PNPT1: variants seen among roughly 807,000 people sequenced by gnomAD.
PNPT1 encodes polyribonucleotide nucleotidyltransferase 1, mitochondrial.
PNPT1 carries 53 observed loss-of-function variants against 119.5 expected under a neutral mutation model. The ratio of observed to expected loss-of-function variants is 0.44; its 90% CI spans 0.36 to 0.56. The LOEUF is 0.56. Ranked by LOEUF, PNPT1 falls within the 20% of genes least tolerant of loss-of-function variation. PNPT1 has a pLI of 0.00. For missense variants in PNPT1, 948 were observed against 938.5 expected, an observed-to-expected ratio of 1.01 and a Z score of -0.13; for synonymous variants, 357 against 322.1, an observed-to-expected ratio of 1.11 and a Z score of -1.16.
intron 23 of PNPT1, among the ~76,000 whole-genome samples, chr2:55,644,412 G>A (rs1471068048): frequency 6.6e-6 from 1 of 152,130 alleles, no homozygotes; most frequent in African/African-American, 2.4e-5. Context: ...AAGTCCTGAT[G>A]AATTCTTTGT....
chr2:55,656,454 C>G, intron 15 of PNPT1, 83 bp from the exon 16 acceptor site: 3 of 1,224,204 alleles, frequency 2.5e-6, no homozygotes, highest in Non-Finnish European at 3.4e-6. Flanking sequence ...AATAAAACAA[C>G]TTATAGAACA....
At chr2:55,669,586 G>A (rs765762908) in intron 11 of PNPT1, among the ~76,000 whole-genome samples, 2 of 152,138 alleles carry the variant, frequency 1.3e-5, no homozygotes, top group South Asian at 2.1e-4. Flanking sequence ...AACCCAGAGG[G>A]TCGTGAAGAT....
intron 26 of PNPT1, 100 bp downstream of exon 26, chr2:55,640,527 A>G (rs1434859209): frequency 1.0e-6 from 1 of 999,344 alleles, no homozygotes; most frequent in Non-Finnish European, 1.5e-6. Context: ...TGTTTAGGCT[A>G]GTAGTAGGCA....
intron 13 of PNPT1, among the ~76,000 whole-genome samples, chr2:55,666,183 T>C (rs953482322): frequency 1.3e-5 from 2 of 151,788 alleles, no homozygotes; most frequent in Non-Finnish European, 2.9e-5. Context: ...CCTGAGGAGG[T>C]GGGGGGCAGG....
At chr2:55,647,484 A>G in intron 18 of PNPT1, 31 bp from the exon 19 acceptor site, 1 of 1,523,416 alleles carries the variant, frequency 6.6e-7, no homozygotes, top group Non-Finnish European at 9.0e-7. Flanking sequence ...AACTGTGGGT[A>G]ATGTGTACAT....
intron 18 of PNPT1, among the ~76,000 whole-genome samples, chr2:55,648,686 T>C (rs969808488): frequency 6.6e-6 from 1 of 152,166 alleles, no homozygotes; most frequent in Admixed American, 6.5e-5. Context: ...TTATTACTGA[T>C]TTTCTTTCAA....
At chr2:55,690,168 A>C (rs1697546028) in intron 1 of PNPT1, among the ~76,000 whole-genome samples, 1 of 152,232 alleles carries the variant, frequency 6.6e-6, no homozygotes, top group African/African-American at 2.4e-5. Context: ...ATTATATCTT[A>C]ATAAAGGTGT....
At chr2:55,658,127 G>A (rs1440553189) in intron 15 of PNPT1, among the ~76,000 whole-genome samples, 2 of 151,868 alleles carry the variant, frequency 1.3e-5, no homozygotes, top group African/African-American at 2.4e-5. Flanking sequence ...CAGCTACTTG[G>A]GGGACTGAGG....
chr2:55,644,940 C>T (rs147216877), intron 22 of PNPT1: 71 of 387,622 alleles, frequency 1.8e-4, no homozygotes, highest in African/African-American at 1.3e-3. Flanking sequence ...AAAATATTTT[C>T]GTTTTGTGCA....
rs536507887 is a variant in PNPT1 at position 55,670,915 on chromosome 2, A to G, written c.976+404T>C. Among the ~76,000 whole-genome samples, 5 of 152,308 alleles carry G rather than the reference A, an allele frequency of 3.3e-5. No homozygotes were observed. In the East Asian group the frequency reaches 9.6e-4, roughly 29 times the overall value. ...GCTATCATTATTACAAGTTTATTGA[A>G]AATAAAGCTGAGAAGCAATGAGAGT... On this transcript the variant is annotated intron_variant, in intron 11 of 27. Transcript: ENST00000447944.
At chr2:55,637,287 A>G (rs1695705672) in intron 27 of PNPT1, among the ~76,000 whole-genome samples, 1 of 152,250 alleles carries the variant, frequency 6.6e-6, no homozygotes, top group Non-Finnish European at 1.5e-5. Context: ...TGGAGTCTGC[A>G]TAGCTAACAC....
At chr2:55,679,346 A>T (rs896165330) in intron 8 of PNPT1, among the ~76,000 whole-genome samples, 1 of 152,180 alleles carries the variant, frequency 6.6e-6, no homozygotes, top group Admixed American at 6.5e-5. Flanking sequence ...AAAATAAGTT[A>T]TTTAGACTAA....
intron 5 of PNPT1, 50 bp downstream of exon 5, chr2:55,683,735 A>G (rs1279540984): frequency 6.7e-7 from 1 of 1,485,098 alleles, no homozygotes; most frequent in Admixed American, 1.8e-5. Flanking sequence ...GAGATTCATT[A>G]AGTAATTTTT....
intron 15 of PNPT1, 93 bp downstream of exon 15, chr2:55,660,064 A>T: frequency 7.9e-7 from 1 of 1,265,834 alleles, no homozygotes; most frequent in Non-Finnish European, 1.1e-6. Context: ...AGACTGCACC[A>T]CTCCACTCCA....
chr2:55,656,105 A>G (rs1696377382), intron 17 of PNPT1, 26 bp downstream of exon 17: 4 of 1,597,882 alleles, frequency 2.5e-6, no homozygotes, highest in East Asian at 2.2e-5. Context: ...CTTTTCTACT[A>G]TGAAAGAAGT....
In PNPT1 at chr2:55,680,897, C is replaced by T; in HGVS notation, c.475G>A (p.Val159Ile). The T allele has an allele frequency of 6.2e-7, 1 of 1,613,996 alleles. No individual in the cohort carries two copies. Among genetic ancestry groups the T allele is most frequent in the Non-Finnish European group, 8.5e-7 (1 of 1,179,906 alleles). The change falls in exon 6 of 28, where the codon GTA (valine) becomes ATA (isoleucine). Residue 159 changes from valine (V) to isoleucine (I), a missense_variant. By Grantham distance (29) the Val-to-Ile change is conservative. Coordinates refer to ENST00000447944, the MANE Select transcript of PNPT1 (RefSeq NM_033109.5). ...ACATCAGGCTCATTTACACCATCTA[C>T]TGCTAACAGATTACACAGAACCTGG... ...DTQVLCNLLA[V>I]DGVNEPDVLA...
At position 55,667,858 on chromosome 2, in the gene PNPT1, T is replaced by G; in HGVS notation, c.1073+4A>C. The G allele has an allele frequency of 6.3e-7, 1 of 1,598,912 alleles. No individual in the cohort carries two copies. The highest frequency in any genetic ancestry group is 8.5e-7 in the Non-Finnish European group (1 of 1,175,722). ...TCAATTTCAACAAAAAAGGGTATGT[T>G]TACCTTTTGTATTCATTCAAAACAA... On this transcript the variant is annotated splice_donor_region_variant and intron_variant, in intron 12 of 27. Transcript: ENST00000447944.
At chr2:55,660,935 T>G (rs563375364) in intron 14 of PNPT1, among the ~76,000 whole-genome samples, 3 of 152,038 alleles carry the variant, frequency 2.0e-5, no homozygotes, top group African/African-American at 7.2e-5. Flanking sequence ...TCCTCATCAG[T>G]TGGGCATCAG....
At chr2:55,688,725 A>AAAAAC (rs1288258414) in intron 1 of PNPT1, among the ~76,000 whole-genome samples, 8 of 152,098 alleles carry the variant, frequency 5.3e-5, no homozygotes, top group East Asian at 1.9e-4. Flanking sequence ...ACTCTGTAAC[A>AAAAAC]AAAACAAAAC....
Sources: gnomAD v4.1 joint callset for allele counts (sites outside exome capture counted in the v4.1 genomes callset) on GRCh38, gnomAD v4.1.1 for gene constraint, MANE v1.5 for transcripts, NCBI Gene and HGNC (gene_info 2026-07-23, HGNC 2026-07-21) for gene names.